CORO2A: variants seen among roughly 807,000 people sequenced by gnomAD.
CORO2A encodes the protein coronin 2A, also known as coronin-2A.
Under a neutral mutation model 62.4 loss-of-function variants are expected in CORO2A, and 47 were observed. The observed-to-expected ratio is 0.75, with a 90% CI of 0.60 to 0.96. The LOEUF (loss-of-function observed/expected upper bound fraction) is 0.96. Among genes scored for constraint, CORO2A ranks in the 40% least tolerant of loss-of-function variants. The probability of loss-of-function intolerance (pLI) is 0.00; values close to 1 mark genes in which losing one functional copy is unlikely to be tolerated. For synonymous variants in CORO2A, 273 were observed against 268.9 expected, an observed-to-expected ratio of 1.02 and a Z score of -0.15; for missense variants, 610 against 684.1, an observed-to-expected ratio of 0.89 and a Z score of 1.21.
At chr9:98,171,756 C>A (rs959809467) in intron 1 of CORO2A, among the ~76,000 whole-genome samples, 1 of 150,414 alleles carries the variant, frequency 6.6e-6, no homozygotes, top group Non-Finnish European at 1.5e-5. Flanking sequence ...GAGCTTGCAG[C>A]GCGGGGGTGG....
chr9:98,129,687 A>AT, intron 8 of CORO2A, 107 bp downstream of exon 8: 1 of 818,752 alleles, frequency 1.2e-6, no homozygotes. Flanking sequence ...CATCTGACTC[A>AT]TCCCTGTCTC....
chr9:98,134,926 C>T lies in CORO2A; in HGVS notation c.348G>A (p.Leu116=), dbSNP rs377738674. ...TGTAGGCCGTGAGGTTCCTGGTCAG[C>T]AGCTGCTTGGGGATGCTCCAGATCT... The part of the protein sequence containing the change: ...TIKIWSIPKQ[L]LTRNLTAYRK... Residue 116 remains leucine, a synonymous_variant, in exon 4 of 12, where the codon CTG becomes CTA. Coordinates refer to ENST00000375077, the MANE Select transcript of CORO2A (RefSeq NM_052820.4). 2.0e-5 allele frequency: 33 copies of T among 1,614,018 alleles called. No homozygotes were observed. The highest frequency in any genetic ancestry group is 6.6e-5 in the South Asian group (6 of 91,076).
At chr9:98,156,069 G>A in intron 2 of CORO2A, among the ~76,000 whole-genome samples, 1 of 40,090 alleles carries the variant, frequency 2.5e-5, no homozygotes, top group African/African-American at 9.4e-5. Flanking sequence ...TTTTTTTTTT[G>A]AGACAGGGTC....
intron 6 of CORO2A, among the ~76,000 whole-genome samples, chr9:98,131,437 C>T (rs891523229): frequency 1.3e-5 from 2 of 151,594 alleles, no homozygotes; most frequent in Non-Finnish European, 2.9e-5. Context: ...GCGATCCTCT[C>T]GCCTCAGTCT....
chr9:98,128,226 G>C lies in CORO2A; in HGVS notation c.1115C>G (p.Thr372Arg). 1 of 1,613,116 alleles carries C rather than the reference G, an allele frequency of 6.2e-7. No homozygotes were observed. Among genetic ancestry groups the C allele is most frequent in the Non-Finnish European group, 8.5e-7 (1 of 1,179,516 alleles). Residue 372 changes from threonine to arginine, a missense_variant, in exon 10 of 12, where the codon ACA (threonine) becomes AGA (arginine). By Grantham distance (71) the Thr-to-Arg change is moderately conservative. Coordinates refer to ENST00000375077, the MANE Select transcript of CORO2A (RefSeq NM_052820.4). ...CGTCAGGGAGGGCTGGGCCCCTGCT[G>C]TTGGAGGGTATATGTCCTCTTGGTA... is the stretch of plus-strand genomic sequence containing the variant. ...ESYQEDIYPP[T>R]AGAQPSLTAQ...
At chr9:98,163,194 T>C (rs373658669) in intron 1 of CORO2A, among the ~76,000 whole-genome samples, 6 of 152,170 alleles carry the variant, frequency 3.9e-5, no homozygotes, top group African/African-American at 1.4e-4. Flanking sequence ...GTTTATTTCT[T>C]TTTTTTTCTT....
chr9:98,136,732 T>C (rs1446932017), intron 3 of CORO2A, among the ~76,000 whole-genome samples: 2 of 152,176 alleles, frequency 1.3e-5, no homozygotes, highest in African/African-American at 4.8e-5. Flanking sequence ...ATATCCTACC[T>C]TGTGGGGTTG....
Position 98,137,672 on chromosome 9 carries a change from G to A in CORO2A, c.218C>T (p.Pro73Leu), listed in dbSNP as rs564002015. 5.6e-6 allele frequency: 9 copies of A among 1,614,028 alleles called. No individual in the cohort carries two copies. In the African/African-American group the frequency reaches 8.0e-5, roughly 14 times the overall value. ...GTGCCCGCAGACTTTTGGGTAGTGG[G>A]GGTCCAACTTCCCTGTCTGCAAGAC... ...IPLHQTGKLD[P>L]HYPKVCGHRG... Residue 73 changes from proline to leucine, a missense_variant, in exon 3 of 12, where the codon CCC becomes CTC. By Grantham distance (98) the Pro-to-Leu change is moderately conservative. Coordinates refer to ENST00000375077, the MANE Select transcript of CORO2A (RefSeq NM_052820.4).
chr9:98,139,356 G>A (rs1026573756), intron 2 of CORO2A, among the ~76,000 whole-genome samples: 2 of 152,142 alleles, frequency 1.3e-5, no homozygotes, highest in Admixed American at 1.3e-4. Context: ...GGCCTGGCAT[G>A]GTGGCTCACG....
chr9:98,149,666 A>G (rs1245414078), intron 2 of CORO2A, among the ~76,000 whole-genome samples: 2 of 152,188 alleles, frequency 1.3e-5, no homozygotes, highest in Non-Finnish European at 2.9e-5. Context: ...GAGGGCATCA[A>G]GCCATTCATG....
intron 1 of CORO2A, among the ~76,000 whole-genome samples, chr9:98,162,724 C>A (rs7034835): frequency 0.024 from 3,603 of 152,318 alleles, 117 homozygotes; most frequent in African/African-American, 0.081. Flanking sequence ...TGTGCATGCA[C>A]GTGTGCATCC....
Position 98,122,329 on chromosome 9 carries a change from TG to T in CORO2A, c.*2444del, listed in dbSNP as rs1390111721. 1 of 152,280 alleles carries T rather than the reference TG, an allele frequency of 6.6e-6. No homozygotes were observed. Among genetic ancestry groups the T allele is most frequent in the Admixed American group, 6.5e-5 (1 of 15,294 alleles). The allele number at this position is 152,280 out of a possible 1,614,324, so 9.4% of individuals were successfully genotyped here. A position where few individuals can be genotyped will look rare whatever the true frequency, so the allele number is the denominator to read the frequency against. On this transcript the variant is annotated 3_prime_UTR_variant, in exon 12 of 12. Transcript: ENST00000375077. Reference sequence around the variant, plus strand: ...ATTCAGCTTCAGTTGGTCTGGAATGTGGCATGGGCATCTGTATTTCCTGCAC... The same window carrying T: ...ATTCAGCTTCAGTTGGTCTGGAATGTGCATGGGCATCTGTATTTCCTGCAC...
At chr9:98,156,133 C>T (rs1426829643) in intron 2 of CORO2A, among the ~76,000 whole-genome samples, 1 of 149,530 alleles carries the variant, frequency 6.7e-6, no homozygotes, top group Non-Finnish European at 1.5e-5. Context: ...TCACAACTTC[C>T]CTGGGCTCAG....
In CORO2A at chr9:98,124,787, G is replaced by A. The variant is rs377336075; in HGVS notation, c.1565C>T (p.Ser522Leu). 7 of 1,611,692 alleles carry A rather than the reference G, an allele frequency of 4.3e-6. No individual in the cohort carries two copies. The African/African-American group carries it at 9.3e-5, about 22-fold the overall frequency. ...AGAGGTCTCTGCTCAGAGCTGCTCT[G>A]AGCCCATCCGCAAGTTTTTGATCTC... ...ELEIKNLRMG[S>L]EQL The change falls in exon 12 of 12, where the codon TCA becomes TTA. Residue 522 changes from serine (S) to leucine (L), a missense_variant. Physicochemically the swap from Ser to Leu is moderately radical, Grantham distance 145. Coordinates refer to ENST00000375077, the MANE Select transcript of CORO2A (RefSeq NM_052820.4).
At chr9:98,158,687 A>C (rs1433885707) in intron 1 of CORO2A, among the ~76,000 whole-genome samples, 1 of 152,152 alleles carries the variant, frequency 6.6e-6, no homozygotes, top group Non-Finnish European at 1.5e-5. Flanking sequence ...AGGAAGTGAC[A>C]ACTAAACAGT....
chr9:98,161,024 C>T (rs925485212), intron 1 of CORO2A, among the ~76,000 whole-genome samples: 1 of 152,220 alleles, frequency 6.6e-6, no homozygotes, highest in Non-Finnish European at 1.5e-5. Context: ...AGAGCACTTT[C>T]TTCTACTGAC....
At chr9:98,130,637 G>A (rs1038365069) in intron 7 of CORO2A, among the ~76,000 whole-genome samples, 4 of 152,228 alleles carry the variant, frequency 2.6e-5, no homozygotes, top group African/African-American at 9.6e-5. Flanking sequence ...AGGGGCCAGG[G>A]CTGCCAGACA....
intron 2 of CORO2A, among the ~76,000 whole-genome samples, chr9:98,142,488 A>G (rs1480206142): frequency 1.3e-5 from 2 of 152,244 alleles, no homozygotes; most frequent in African/African-American, 4.8e-5. Flanking sequence ...CATGAGCAGT[A>G]CTGTGTCTTT....
At position 98,139,045 on chromosome 9, in the gene CORO2A, C is replaced by CAA. The variant is rs60779052; in HGVS notation, c.202-1359_202-1358dup. ...CTGGCGACAGAGCAAGATTCTGTCT[C>CAA]AAAAAAAAAAAAAAAAAGAAAGAAA... On this transcript the variant is annotated intron_variant, in intron 2 of 11. Coordinates refer to ENST00000375077, the MANE Select transcript of CORO2A (RefSeq NM_052820.4). Among the ~76,000 whole-genome samples, 594 of 103,270 alleles carry CAA rather than the reference C, an allele frequency of 5.8e-3. 5 individuals carry two copies. Among genetic ancestry groups the CAA allele is most frequent in the African/African-American group, 0.02 (547 of 27,246 alleles). 67.7% of individuals were successfully genotyped at this position (103,270 alleles called of 152,430 possible). A position where few individuals can be genotyped will look rare whatever the true frequency, so the allele number is the denominator to read the frequency against.
Sources: gnomAD v4.1 joint callset for allele counts (sites outside exome capture counted in the v4.1 genomes callset) on GRCh38, gnomAD v4.1.1 for gene constraint, MANE v1.5 for transcripts, NCBI Gene and HGNC (gene_info 2026-07-23, HGNC 2026-07-21) for gene names.